Variants in STXBP5L observed in about 807,000 individuals in gnomAD.
STXBP5L encodes the protein syntaxin binding protein 5L.
STXBP5L carries 65 observed loss-of-function variants against 144.5 expected under a neutral mutation model. The observed-to-expected ratio is 0.45, with a 90% CI of 0.37 to 0.55. The LOEUF (loss-of-function observed/expected upper bound fraction) is 0.55. STXBP5L is among the 20% of genes least tolerant of loss of function. The pLI is 0.00. For synonymous variants in STXBP5L, 505 were observed against 469.6 expected (o/e 1.08, Z -0.97); for missense variants, 1,298 against 1,405.5 (o/e 0.92, Z 1.22).
At chr3:121,022,966 G>C (rs1000433122) in intron 3 of STXBP5L, among the ~76,000 whole-genome samples, 1 of 151,964 alleles carries the variant, frequency 6.6e-6, no homozygotes. Context: ...AAGTCAAACT[G>C]TTGCTGTTTG....
At chr3:121,037,558 C>T (rs1031442025) in intron 3 of STXBP5L, among the ~76,000 whole-genome samples, 3 of 151,874 alleles carry the variant, frequency 2.0e-5, no homozygotes, top group African/African-American at 7.3e-5. Flanking sequence ...TTAAATTTGC[C>T]AACATTTTTT....
intron 9 of STXBP5L, among the ~76,000 whole-genome samples, chr3:121,163,475 C>T (rs573909587): frequency 7.9e-5 from 12 of 151,756 alleles, no homozygotes; most frequent in East Asian, 1.9e-4. Flanking sequence ...TAATGCATGC[C>T]GGGCTTAAAA....
At chr3:121,186,138 C>A (rs928746303) in intron 9 of STXBP5L, among the ~76,000 whole-genome samples, 1 of 152,150 alleles carries the variant, frequency 6.6e-6, no homozygotes, top group Non-Finnish European at 1.5e-5. Context: ...GATTTTTGCA[C>A]ATCGATTTTG....
chr3:121,220,147 C>A (rs757345203), intron 10 of STXBP5L, among the ~76,000 whole-genome samples: 8 of 152,110 alleles, frequency 5.3e-5, no homozygotes, highest in Non-Finnish European at 1.2e-4. Flanking sequence ...CAACTCCTAA[C>A]CCTTGGCAAC....
At chr3:121,003,854 G>T (rs1944007712) in intron 3 of STXBP5L, among the ~76,000 whole-genome samples, 1 of 152,186 alleles carries the variant, frequency 6.6e-6, no homozygotes. Context: ...TCAAAGATCA[G>T]ATGGTTGAAG....
At chr3:121,312,578 C>T (rs1002291636) in intron 19 of STXBP5L, among the ~76,000 whole-genome samples, 20 of 145,320 alleles carry the variant, frequency 1.4e-4, no homozygotes, top group Non-Finnish European at 2.7e-4. Context: ...ACAAAGGTCT[C>T]TGGTTTTCCT....
At chr3:121,068,297 C>A (rs575140344) in intron 5 of STXBP5L, among the ~76,000 whole-genome samples, 1 of 152,246 alleles carries the variant, frequency 6.6e-6, no homozygotes, top group Non-Finnish European at 1.5e-5. Flanking sequence ...TGAGCCAATG[C>A]ACCTGGTGAC....
At chr3:121,158,552 T>C (rs1425271845) in intron 9 of STXBP5L, 2 of 152,172 alleles carry the variant, frequency 1.3e-5, no homozygotes, top group Non-Finnish European at 2.9e-5. Context: ...AGGATGTAAA[T>C]GTTTTAGTCT....
Position 121,407,592 on chromosome 3 carries a change from C to G in STXBP5L, c.2937C>G (p.Ile979Met), listed in dbSNP as rs1239931162. The change falls in exon 23 of 27, where the codon ATC becomes ATG. Residue 979 changes from isoleucine to methionine, a missense_variant. Physicochemically the swap from Ile to Met is conservative, Grantham distance 10 (BLOSUM62 1). Coordinates refer to ENST00000471454, the MANE Select transcript of STXBP5L (RefSeq NM_001308330.2). ...CATGCTTTTGTGCTAACGGACATATCATGATAATGAGGTACTTGCCTTCTT... is the reference window on the plus strand; with the variant it reads ...CATGCTTTTGTGCTAACGGACATATGATGATAATGAGGTACTTGCCTTCTT... ...CLACFCANGH[I>M]MIMSLPSLRP... The G allele has an allele frequency of 6.2e-7, 1 of 1,612,908 alleles. No homozygotes were observed. The highest frequency in any genetic ancestry group is 8.5e-7 in the Non-Finnish European group (1 of 1,179,440).
At chr3:121,266,711 T>G (rs559223896) in intron 18 of STXBP5L, among the ~76,000 whole-genome samples, 17 of 152,200 alleles carry the variant, frequency 1.1e-4, no homozygotes, top group Non-Finnish European at 2.1e-4. Flanking sequence ...ATGACATGAT[T>G]GTATATTTAG....
chr3:121,012,012 T>C (rs1576657703), intron 3 of STXBP5L, among the ~76,000 whole-genome samples: 1 of 152,040 alleles, frequency 6.6e-6, no homozygotes, highest in East Asian at 1.9e-4. Flanking sequence ...TATGGATCTA[T>C]TTTCTGTCTA....
At chr3:120,943,596 A>G (rs562258740) in intron 2 of STXBP5L, among the ~76,000 whole-genome samples, 1 of 151,820 alleles carries the variant, frequency 6.6e-6, no homozygotes, top group East Asian at 1.9e-4. Flanking sequence ...TTGATTTATC[A>G]GTATCTTATT....
rs551665007 is a variant in STXBP5L, at chr3:121,423,805, G to T, written c.*4708G>T. On this transcript the variant is annotated 3_prime_UTR_variant, in exon 27 of 27. Coordinates refer to ENST00000471454, the MANE Select transcript of STXBP5L (RefSeq NM_001308330.2). ...CCCCAGTTCTGAGTGGTCAGGGAAG[G>T]CAAGATGTAAGATATAGTAATGGTA... 1 of 152,202 alleles carries T rather than the reference G, an allele frequency of 6.6e-6. No individual in the cohort carries two copies. Among genetic ancestry groups the T allele is most frequent in the Non-Finnish European group, 1.5e-5 (1 of 68,042 alleles). 9.4% of individuals were successfully genotyped at this position (152,202 alleles called of 1,614,324 possible). A position where few individuals can be genotyped will look rare whatever the true frequency, so the allele number is the denominator to read the frequency against.
At chr3:121,141,482 T>C (rs1268962976) in intron 7 of STXBP5L, among the ~76,000 whole-genome samples, 1 of 152,084 alleles carries the variant, frequency 6.6e-6, no homozygotes, top group Non-Finnish European at 1.5e-5. Flanking sequence ...GAGATGATGA[T>C]GGGTACATCA....
chr3:121,145,398 G>A (rs1240144902), intron 7 of STXBP5L, among the ~76,000 whole-genome samples: 1 of 151,770 alleles, frequency 6.6e-6, no homozygotes. Flanking sequence ...ATAAAATTTA[G>A]CACCCATTGT....
At chr3:121,288,049 A>G (rs766176861) in intron 19 of STXBP5L, among the ~76,000 whole-genome samples, 5 of 152,242 alleles carry the variant, frequency 3.3e-5, no homozygotes, top group Admixed American at 3.3e-4. Context: ...AAGTTCATAC[A>G]GAAATTCAAA....
Position 121,381,331 on chromosome 3 carries a change from A to C in STXBP5L, c.2386A>C (p.Ser796Arg). 6.3e-7 allele frequency: 1 copy of C among 1,594,750 alleles called. No individual in the cohort carries two copies. The highest frequency in any genetic ancestry group is 1.2e-5 in the South Asian group (1 of 86,772). The change falls in exon 22 of 27, where the codon AGT (serine) becomes CGT (arginine). Residue 796 changes from serine (S) to arginine (R), a missense_variant. By Grantham distance (110) the Ser-to-Arg change is moderately radical. Transcript: ENST00000471454. ...TTCCTATAATCGTTCTAGAAGCTCTAGTATCTCCAGTATTGACAAAGATTC... is the reference window on the plus strand; with the variant it reads ...TTCCTATAATCGTTCTAGAAGCTCTCGTATCTCCAGTATTGACAAAGATTC... The part of the protein sequence containing the change: ...ENSYNRSRSS[S>R]ISSIDKDSKE...
At chr3:121,045,800 T>G (rs1156310470) in intron 5 of STXBP5L, among the ~76,000 whole-genome samples, 2 of 152,180 alleles carry the variant, frequency 1.3e-5, no homozygotes, top group Non-Finnish European at 2.9e-5. Flanking sequence ...TCATATTATC[T>G]TCAAAGAGAG....
chr3:120,974,459 T>C (rs968155374), intron 3 of STXBP5L, among the ~76,000 whole-genome samples: 10 of 148,642 alleles, frequency 6.7e-5, no homozygotes, highest in Non-Finnish European at 1.5e-4. Context: ...GTCAGATGAG[T>C]AGGTTGCAAA....
Sources: allele counts gnomAD v4.1 joint callset (sites outside exome capture counted in the v4.1 genomes callset), GRCh38; gene constraint gnomAD v4.1.1; transcripts MANE v1.5; gene names NCBI Gene and HGNC (gene_info 2026-07-23, HGNC 2026-07-21).